MAN1A1: variants seen among roughly 807,000 people sequenced by gnomAD.
MAN1A1 encodes the protein mannosidase alpha class 1A member 1.
In MAN1A1, 29 loss-of-function variants were observed where a neutral mutation model predicts 70.8. The ratio of observed to expected loss-of-function variants is 0.41; its 90% CI spans 0.31 to 0.56. The LOEUF is 0.56. MAN1A1 is among the 20% of genes least tolerant of loss of function. The probability of loss-of-function intolerance (pLI) is 0.29; values close to 1 mark genes in which losing one functional copy is unlikely to be tolerated. For missense variants in MAN1A1, 747 were observed against 841.3 expected, an observed-to-expected ratio of 0.89 and a Z score of 1.39; for synonymous variants, 349 against 330.1, an observed-to-expected ratio of 1.06 and a Z score of -0.62.
At chr6:119,337,335 A>G (rs1259363388) in intron 2 of MAN1A1, among the ~76,000 whole-genome samples, 2 of 152,210 alleles carry the variant, frequency 1.3e-5, no homozygotes, top group Non-Finnish European at 2.9e-5. Flanking sequence ...TTCAAAGATG[A>G]GCGGACACCA....
chr6:119,209,190 C>A (rs1440642955), intron 6 of MAN1A1, among the ~76,000 whole-genome samples: 2 of 151,522 alleles, frequency 1.3e-5, no homozygotes, highest in African/African-American at 4.8e-5. Context: ...TCAAATGTAC[C>A]AGATAATTTA....
intron 6 of MAN1A1, among the ~76,000 whole-genome samples, chr6:119,205,881 C>T (rs1235730776): frequency 2.0e-5 from 3 of 152,218 alleles, no homozygotes; most frequent in East Asian, 1.9e-4. Flanking sequence ...GATAATCAAT[C>T]ACTTTTTCTC....
intron 6 of MAN1A1, among the ~76,000 whole-genome samples, chr6:119,214,654 A>G (rs1221270435): frequency 6.6e-6 from 1 of 151,836 alleles, no homozygotes; most frequent in African/African-American, 2.4e-5. Flanking sequence ...TGAGGCGCAT[A>G]CCACCACGGC....
chr6:119,188,855 T>C (rs1773363325), intron 10 of MAN1A1, among the ~76,000 whole-genome samples: 1 of 152,216 alleles, frequency 6.6e-6, no homozygotes, highest in Admixed American at 6.5e-5. Context: ...CTAGGTGTTA[T>C]ACTGTATTGT....
chr6:119,275,689 G>T (rs1430646179), intron 5 of MAN1A1, among the ~76,000 whole-genome samples: 1 of 152,092 alleles, frequency 6.6e-6, no homozygotes, highest in Non-Finnish European at 1.5e-5. Flanking sequence ...TGATTCGCTC[G>T]CCTTGGCCTC....
chr6:119,286,883 T>C (rs1209696381), intron 5 of MAN1A1, among the ~76,000 whole-genome samples: 2 of 152,174 alleles, frequency 1.3e-5, no homozygotes, highest in Non-Finnish European at 2.9e-5. Flanking sequence ...GTCTATTTTC[T>C]CTGCCATATT....
Position 119,204,821 on chromosome 6 carries a change from T to C in MAN1A1, c.1054A>G (p.Thr352Ala), listed in dbSNP as rs1353941794. 6.2e-7 allele frequency: 1 copy of C among 1,613,876 alleles called. No homozygotes were observed. The highest frequency in any genetic ancestry group is 1.7e-5 in the Admixed American group (1 of 59,990). Reference protein sequence around the residue: ...GGSSILAEFGTLHLEFMHLSH... With the variant: ...GGSSILAEFGALHLEFMHLSH... ...AAGTGCATAAACTCCAAATGCAGGGTTCCAAATTCTGCCAGAATACTGCTG... is the reference window on the plus strand; with the variant it reads ...AAGTGCATAAACTCCAAATGCAGGGCTCCAAATTCTGCCAGAATACTGCTG... The change falls in exon 7 of 13, where the codon ACC becomes GCC. Residue 352 changes from threonine (T) to alanine (A), a missense_variant. By Grantham distance (58) the Thr-to-Ala change is moderately conservative. Around this residue, in one of 2 missense-constraint regions of MAN1A1, gnomAD observed 419 missense variants for 548.2 expected, o/e 0.76. Transcript: ENST00000368468.
chr6:119,177,761 T>G lies in MAN1A1; in HGVS notation c.*2058A>C, dbSNP rs537039030. 2.6e-5 allele frequency: 4 copies of G among 152,092 alleles called. No individual in the cohort carries two copies. The highest frequency in any genetic ancestry group is 5.9e-5 in the Non-Finnish European group (4 of 67,946). The allele number at this position is 152,092 out of a possible 1,614,324, so 9.4% of individuals were successfully genotyped here. A position where few individuals can be genotyped will look rare whatever the true frequency, so the allele number is the denominator to read the frequency against. On this transcript the variant is annotated 3_prime_UTR_variant, in exon 13 of 13. Transcript: ENST00000368468. ...GAGAGCAACATATAGTACAGCTTCTTGTCTATTCACACCAGGACACCAAGG... is the reference window on the plus strand; with the variant it reads ...GAGAGCAACATATAGTACAGCTTCTGGTCTATTCACACCAGGACACCAAGG...
chr6:119,199,338 A>G (rs79360622), intron 8 of MAN1A1, among the ~76,000 whole-genome samples: 7,078 of 152,290 alleles, frequency 0.046, 205 homozygotes, highest in East Asian at 0.082. Flanking sequence ...CATTTTTTAA[A>G]TTGTTCTTTC....
chr6:119,252,885 A>G (rs922631550), intron 5 of MAN1A1, among the ~76,000 whole-genome samples: 1 of 152,188 alleles, frequency 6.6e-6, no homozygotes, highest in African/African-American at 2.4e-5. Flanking sequence ...GTAATGACCA[A>G]TTGAGACCAA....
At chr6:119,337,689 C>T (rs1199370854) in intron 2 of MAN1A1, among the ~76,000 whole-genome samples, 1 of 152,182 alleles carries the variant, frequency 6.6e-6, no homozygotes, top group Non-Finnish European at 1.5e-5. Flanking sequence ...TTTTTATTCA[C>T]CCTAACTGCT....
chr6:119,302,621 C>G (rs1047966436), intron 3 of MAN1A1, among the ~76,000 whole-genome samples: 1 of 151,974 alleles, frequency 6.6e-6, no homozygotes, highest in Non-Finnish European at 1.5e-5. Context: ...ACCTCATAAT[C>G]CACCCACCTA....
intron 2 of MAN1A1, among the ~76,000 whole-genome samples, chr6:119,338,697 C>T (rs1056642410): frequency 9.2e-5 from 14 of 152,184 alleles, no homozygotes; most frequent in African/African-American, 3.4e-4. Flanking sequence ...ATACCTTCCT[C>T]AAGTATCTGA....
intron 6 of MAN1A1, among the ~76,000 whole-genome samples, chr6:119,228,590 CTT>C (rs1562201305): frequency 6.6e-6 from 1 of 151,870 alleles, no homozygotes; most frequent in Non-Finnish European, 1.5e-5. Flanking sequence ...AGCTCAGACT[CTT>C]TTAGAAAACT....
At chr6:119,250,781 T>A (rs1775298873) in intron 5 of MAN1A1, among the ~76,000 whole-genome samples, 1 of 152,164 alleles carries the variant, frequency 6.6e-6, no homozygotes, top group Non-Finnish European at 1.5e-5. Flanking sequence ...CTATTTGCAT[T>A]CTCAAATTCA....
At chr6:119,267,103 G>A (rs928625358) in intron 5 of MAN1A1, among the ~76,000 whole-genome samples, 7 of 152,212 alleles carry the variant, frequency 4.6e-5, no homozygotes, top group Non-Finnish European at 1.0e-4. Flanking sequence ...GTTGGTGAGG[G>A]TGTGAAACAA....
At position 119,348,958 on chromosome 6, in the gene MAN1A1, G is replaced by T; in HGVS notation, c.108C>A (p.Leu36=). 3 of 1,525,420 alleles carry T rather than the reference G, an allele frequency of 2.0e-6. No individual in the cohort carries two copies. The highest frequency in any genetic ancestry group is 2.6e-6 in the Non-Finnish European group (3 of 1,135,814). The allele number at this position is 1,525,420 out of a possible 1,614,324, so 94.5% of individuals were successfully genotyped here. ...GCAGCACGAACTTCTCCGTCAGGCG[G>T]AGGGCGGCGGGGCCCGACCCCTTCC... The part of the protein sequence containing the change: ...GGRKGSGPAA[L]RLTEKFVLLL... Residue 36 remains leucine, a synonymous_variant, in exon 2 of 13, where the codon CTC becomes CTA. Transcript: ENST00000368468.
chr6:119,256,411 A>ATTTTT (rs372688734), intron 5 of MAN1A1, among the ~76,000 whole-genome samples: 3 of 117,884 alleles, frequency 2.5e-5, no homozygotes, highest in Non-Finnish European at 1.9e-5. Context: ...ATTGTATCTC[A>ATTTTT]TTATTTTTTT....
At chr6:119,201,949 C>T (rs1773722465) in intron 7 of MAN1A1, among the ~76,000 whole-genome samples, 3 of 152,048 alleles carry the variant, frequency 2.0e-5, no homozygotes, top group Non-Finnish European at 4.4e-5. Context: ...CTGGAAGTTG[C>T]AGTGGATGAG....
Sources: allele counts gnomAD v4.1 joint callset (sites outside exome capture counted in the v4.1 genomes callset), GRCh38; gene constraint gnomAD v4.1.1; regional missense constraint gnomAD v4.1.1; transcripts MANE v1.5; gene names NCBI Gene and HGNC (gene_info 2026-07-23, HGNC 2026-07-21).